Variants in RNF185 observed in about 807,000 individuals in gnomAD.
The protein encoded by RNF185 is ring finger protein 185.
A neutral mutation model predicts 24.9 loss-of-function variants in RNF185; 13 were observed. The ratio of observed to expected loss-of-function variants is 0.52; its 90% CI spans 0.34 to 0.83. RNF185 has a LOEUF of 0.83. Among genes scored for constraint, RNF185 ranks in the 40% least tolerant of loss-of-function variants. The pLI, the probability that RNF185 is intolerant of heterozygous loss-of-function variation, is 0.01. For missense variants in RNF185, 184 were observed against 244.7 expected, an observed-to-expected ratio of 0.75 and a Z score of 1.65; for synonymous variants, 79 against 90.3, an observed-to-expected ratio of 0.88 and a Z score of 0.71.
At chr22:31,197,706 C>T (rs1030732198) in intron 5 of RNF185, among the ~76,000 whole-genome samples, 6 of 152,126 alleles carry the variant, frequency 3.9e-5, no homozygotes, top group Admixed American at 2.6e-4. Flanking sequence ...CGGCACCATG[C>T]CCAGCTAGTT....
intron 1 of RNF185, among the ~76,000 whole-genome samples, chr22:31,184,022 C>G (rs1157701063): frequency 6.6e-6 from 1 of 150,406 alleles, no homozygotes; most frequent in Non-Finnish European, 1.5e-5. Flanking sequence ...GGCTGCCCCC[C>G]CCCACCTCCC....
At chr22:31,184,022 C>T (rs1157701063) in intron 1 of RNF185, among the ~76,000 whole-genome samples, 1 of 150,406 alleles carries the variant, frequency 6.6e-6, no homozygotes, top group Non-Finnish European at 1.5e-5. Context: ...GGCTGCCCCC[C>T]CCCACCTCCC....
intron 1 of RNF185, among the ~76,000 whole-genome samples, chr22:31,169,162 A>G (rs1924128736): frequency 6.6e-6 from 1 of 151,920 alleles, no homozygotes; most frequent in Admixed American, 6.6e-5. Flanking sequence ...CTGCCTGCCT[A>G]AGCCTCCCAA....
intron 2 of RNF185, among the ~76,000 whole-genome samples, chr22:31,191,845 A>T (rs1395629234): frequency 6.6e-6 from 1 of 151,798 alleles, no homozygotes; most frequent in African/African-American, 2.4e-5. Flanking sequence ...AAAAAAAAAA[A>T]AAGTGGAGTT....
At chr22:31,170,669 C>T (rs887670560) in intron 1 of RNF185, among the ~76,000 whole-genome samples, 1 of 151,960 alleles carries the variant, frequency 6.6e-6, no homozygotes, top group Non-Finnish European at 1.5e-5. Flanking sequence ...TGCCACCACA[C>T]CCAGCTAATT....
chr22:31,182,979 G>A (rs1167082388), intron 1 of RNF185: 2 of 150,804 alleles, frequency 1.3e-5, no homozygotes, highest in Admixed American at 6.6e-5. Flanking sequence ...GTTGGAGTGC[G>A]ATGACACAAT....
At chr22:31,187,302 C>T (rs766818881) in intron 2 of RNF185, 32 bp downstream of exon 2, 1 of 1,610,402 alleles carries the variant, frequency 6.2e-7, no homozygotes, top group Non-Finnish European at 8.5e-7. Flanking sequence ...CCAGAGAGCA[C>T]ATTGCCAAGT....
At chr22:31,196,836 G>A (rs2048209816) in intron 4 of RNF185, 100 bp from the exon 5 acceptor site, 1 of 1,497,278 alleles carries the variant, frequency 6.7e-7, no homozygotes, top group Non-Finnish European at 9.0e-7. Context: ...ACAAGAAAGA[G>A]GCTATGGCCC....
At chr22:31,193,464 C>T (rs558202203) in intron 3 of RNF185, among the ~76,000 whole-genome samples, 113 of 152,232 alleles carry the variant, frequency 7.4e-4, no homozygotes, top group Non-Finnish European at 1.2e-3. Context: ...CTCCTCAGCC[C>T]TGAAGTCCTA....
At chr22:31,203,768 G>C (rs558450949) in intron 6 of RNF185, among the ~76,000 whole-genome samples, 19 of 152,306 alleles carry the variant, frequency 1.2e-4, no homozygotes, top group African/African-American at 3.8e-4. Context: ...GGGCGCGATG[G>C]CTCATGCCTG....
intron 1 of RNF185, among the ~76,000 whole-genome samples, chr22:31,184,479 C>T (rs1441989573): frequency 1.3e-5 from 2 of 152,004 alleles, no homozygotes; most frequent in Non-Finnish European, 2.9e-5. Flanking sequence ...CGATGGGCGG[C>T]CAGGCAGAGA....
intron 5 of RNF185, among the ~76,000 whole-genome samples, chr22:31,197,706 C>A (rs1030732198): frequency 6.6e-6 from 1 of 152,126 alleles, no homozygotes; most frequent in African/African-American, 2.4e-5. Flanking sequence ...CGGCACCATG[C>A]CCAGCTAGTT....
At chr22:31,200,924 G>A (rs1044289112) in intron 5 of RNF185, among the ~76,000 whole-genome samples, 1 of 152,234 alleles carries the variant, frequency 6.6e-6, no homozygotes, top group African/African-American at 2.4e-5. Flanking sequence ...TGTGACCACA[G>A]TGTTCAAACA....
chr22:31,204,502 A>G lies in RNF185; in HGVS notation c.495A>G (p.Thr165=), dbSNP rs544265559. The part of the protein sequence containing the change: ...DGRPPPAVPG[T]PQYVDEQFLS... Reference sequence around the variant, plus strand: ...CTGTCTCTCCAGCTGTCCCTGGGACACCCCAGTATGTGGACGAGCAGTTCC... The same window carrying G: ...CTGTCTCTCCAGCTGTCCCTGGGACGCCCCAGTATGTGGACGAGCAGTTCC... Residue 165 remains threonine (T), a synonymous_variant, in exon 7 of 7, where the codon ACA becomes ACG. Transcript: ENST00000326132. 3 of 1,609,322 alleles carry G rather than the reference A, an allele frequency of 1.9e-6. No homozygotes were observed. Among genetic ancestry groups the G allele is most frequent in the Admixed American group, 3.3e-5 (2 of 59,994 alleles).
intron 2 of RNF185, among the ~76,000 whole-genome samples, chr22:31,191,642 C>T (rs1224626543): frequency 6.6e-6 from 1 of 152,082 alleles, no homozygotes. Flanking sequence ...ACCAGCCTGA[C>T]TAACACGGTG....
chr22:31,204,718 G>A lies in RNF185; in HGVS notation c.*132G>A. ...GATCAGTAACACATCAAGGAGTCTTGTTTCTTCATCAGAGCTTTGGAACTC... is the reference window on the plus strand; with the variant it reads ...GATCAGTAACACATCAAGGAGTCTTATTTCTTCATCAGAGCTTTGGAACTC... On this transcript the variant is annotated 3_prime_UTR_variant, in exon 7 of 7. Coordinates refer to ENST00000326132, the MANE Select transcript of RNF185 (RefSeq NM_152267.4). 1.6e-6 allele frequency: 1 copy of A among 618,230 alleles called. No homozygotes were observed. The highest frequency in any genetic ancestry group is 2.9e-6 in the Non-Finnish European group (1 of 342,248). The allele number at this position is 618,230 out of a possible 1,614,324, so 38.3% of individuals were successfully genotyped here.
intron 2 of RNF185, 64 bp downstream of exon 2, chr22:31,187,334 G>A: frequency 1.9e-6 from 3 of 1,577,528 alleles, no homozygotes; most frequent in Non-Finnish European, 2.6e-6. Flanking sequence ...GTGGCCCTGG[G>A]TGGTTTGGAG....
chr22:31,173,167 G>T (rs540190094), intron 1 of RNF185, among the ~76,000 whole-genome samples: 1 of 151,670 alleles, frequency 6.6e-6, no homozygotes, highest in Non-Finnish European at 1.5e-5. Flanking sequence ...TTAATAGGGA[G>T]AAATTTGAGA....
chr22:31,203,788 C>T (rs752186581), intron 6 of RNF185, among the ~76,000 whole-genome samples: 1 of 152,048 alleles, frequency 6.6e-6, no homozygotes, highest in Non-Finnish European at 1.5e-5. Context: ...GTAATGCCAA[C>T]GCTTTGGGAG....
Sources: allele counts gnomAD v4.1 joint callset (sites outside exome capture counted in the v4.1 genomes callset), GRCh38; gene constraint gnomAD v4.1.1; transcripts MANE v1.5; gene names NCBI Gene and HGNC (gene_info 2026-07-23, HGNC 2026-07-21).